CNTN4: variants seen among roughly 807,000 people sequenced by gnomAD.
The protein encoded by CNTN4 is contactin 4.
CNTN4 carries 77 observed loss-of-function variants against 122.5 expected under a neutral mutation model. The ratio of observed to expected loss-of-function variants is 0.63; its 90% confidence interval spans 0.52 to 0.76. The LOEUF (loss-of-function observed/expected upper bound fraction) is 0.76, where lower values mean the gene tolerates loss of function less well. CNTN4 is among the 30% of genes least tolerant of loss of function. The pLI is 0.00. For missense variants in CNTN4, 1,256 were observed against 1,259.1 expected, an observed-to-expected ratio of 1.00 and a Z score of 0.04; for synonymous variants, 512 against 447.0, an observed-to-expected ratio of 1.15 and a Z score of -1.83.
chr3:2,679,297 T>G lies in CNTN4; in HGVS notation c.56-56918T>G, dbSNP rs1188047058. 2.6e-5 allele frequency among the ~76,000 whole-genome samples: 4 copies of G among 152,160 alleles called. No individual in the cohort carries two copies. The East Asian group carries it at 5.8e-4, about 22-fold the overall frequency. On this transcript the variant is annotated intron_variant, in intron 4 of 24. Coordinates refer to ENST00000418658, the MANE Select transcript of CNTN4 (RefSeq NM_175607.3). ...TTGATGCTTAATTATTGGAATACCTTGAATCTCTTGACTGAGGGGGAGTAG... is the reference window on the plus strand; with the variant it reads ...TTGATGCTTAATTATTGGAATACCTGGAATCTCTTGACTGAGGGGGAGTAG...
At chr3:2,516,906 G>C (rs185027069) in intron 3 of CNTN4, among the ~76,000 whole-genome samples, 1 of 151,908 alleles carries the variant, frequency 6.6e-6, no homozygotes, top group South Asian at 2.1e-4. Context: ...ATAGAAATTT[G>C]AGTGCCCTGC....
chr3:2,511,415 G>A (rs1255384588), intron 3 of CNTN4: 1 of 152,248 alleles, frequency 6.6e-6, no homozygotes, highest in African/African-American at 2.4e-5. Flanking sequence ...TTTGATTCGT[G>A]TGCTAATTAT....
chr3:2,630,264 A>G (rs1175730529), intron 4 of CNTN4, among the ~76,000 whole-genome samples: 3 of 152,018 alleles, frequency 2.0e-5, no homozygotes, highest in African/African-American at 7.3e-5. Context: ...GTGAAACCCC[A>G]TCTGTGCCAA....
chr3:2,642,155 G>A (rs181505067), intron 4 of CNTN4, among the ~76,000 whole-genome samples: 12 of 152,204 alleles, frequency 7.9e-5, no homozygotes, highest in East Asian at 3.9e-4. Context: ...TAGGGAAGCC[G>A]ACAGTGCAGC....
intron 2 of CNTN4, among the ~76,000 whole-genome samples, chr3:2,268,030 A>C (rs1275094959): frequency 6.6e-6 from 1 of 152,130 alleles, no homozygotes; most frequent in East Asian, 1.9e-4. Context: ...CATGGAATGG[A>C]TGTGGGCTGT....
At chr3:2,391,002 C>G (rs187046770) in intron 3 of CNTN4, among the ~76,000 whole-genome samples, 33 of 152,242 alleles carry the variant, frequency 2.2e-4, no homozygotes, top group Admixed American at 5.9e-4. Flanking sequence ...TATTATCTGG[C>G]ATAAAATTGT....
chr3:2,820,452 C>T (rs544990662), intron 7 of CNTN4, among the ~76,000 whole-genome samples: 106 of 152,242 alleles, frequency 7.0e-4, no homozygotes, highest in African/African-American at 2.0e-3. Flanking sequence ...GCTCTCCAAA[C>T]GCTGTCATTT....
At chr3:2,556,402 C>G (rs934700752) in intron 3 of CNTN4, among the ~76,000 whole-genome samples, 1 of 152,158 alleles carries the variant, frequency 6.6e-6, no homozygotes, top group African/African-American at 2.4e-5. Context: ...AGTTATTTCA[C>G]GAAGTTATCC....
At chr3:2,643,821 A>G (rs1351851563) in intron 4 of CNTN4, among the ~76,000 whole-genome samples, 3 of 152,124 alleles carry the variant, frequency 2.0e-5, no homozygotes, top group Admixed American at 6.5e-5. Flanking sequence ...CTGACTCCCT[A>G]TATGTGAGGT....
intron 4 of CNTN4, among the ~76,000 whole-genome samples, chr3:2,708,746 C>CACACAG (rs1576525835): frequency 0.031 from 983 of 31,738 alleles, 3 homozygotes; most frequent in Middle Eastern, 0.065. Flanking sequence ...CACACACACA[C>CACACAG]ACACACACAC....
chr3:2,288,689 C>A (rs1046170445), intron 2 of CNTN4, among the ~76,000 whole-genome samples: 2 of 152,008 alleles, frequency 1.3e-5, no homozygotes, highest in Non-Finnish European at 2.9e-5. Context: ...AAGTATAAAA[C>A]AAAATATAAT....
At chr3:2,574,565 A>C (rs925580639) in intron 4 of CNTN4, among the ~76,000 whole-genome samples, 3 of 152,172 alleles carry the variant, frequency 2.0e-5, no homozygotes, top group Admixed American at 6.5e-5. Flanking sequence ...ATAATTTTCA[A>C]ATAAACCAAA....
At chr3:2,127,983 G>A (rs1011381825) in intron 2 of CNTN4, among the ~76,000 whole-genome samples, 10 of 152,192 alleles carry the variant, frequency 6.6e-5, no homozygotes, top group African/African-American at 2.4e-4. Flanking sequence ...TGAATTTTGT[G>A]TTGTTAAAAG....
chr3:2,562,288 T>C (rs896559818), intron 3 of CNTN4, among the ~76,000 whole-genome samples: 2 of 152,128 alleles, frequency 1.3e-5, no homozygotes, highest in Non-Finnish European at 2.9e-5. Context: ...ATAGGTATAT[T>C]GTGTGATGCT....
rs548223835 is a variant in CNTN4 at position 2,709,235 on chromosome 3, A to G, written c.56-26980A>G. On this transcript the variant is annotated intron_variant, in intron 4 of 24. Transcript: ENST00000418658. The surrounding 1 kb of genome is among the most constrained non-coding windows in gnomAD (Gnocchi z 5.0). ...AATAACTATTTCTTTTAGAATAAAG[A>G]ATGTATTTATAGTTTTGTTTTGTTT... is the stretch of plus-strand genomic sequence containing the variant. Among the ~76,000 whole-genome samples the G allele has an allele frequency of 1.9e-4, 29 of 152,328 alleles. No homozygotes were observed. The highest frequency in any genetic ancestry group is 7.0e-4 in the African/African-American group (29 of 41,580).
intron 2 of CNTN4, among the ~76,000 whole-genome samples, chr3:2,225,160 C>CCA (rs10632045): frequency 4.0e-5 from 6 of 149,244 alleles, no homozygotes; most frequent in African/African-American, 9.9e-5. Flanking sequence ...CCACCACCCC[C>CCA]AAAAAAAAAG....
intron 7 of CNTN4, among the ~76,000 whole-genome samples, chr3:2,845,597 G>A (rs190515349): frequency 3.3e-5 from 5 of 152,206 alleles, no homozygotes; most frequent in African/African-American, 9.6e-5. Flanking sequence ...TAGGACAAGC[G>A]GGTTTTTCAC....
At chr3:2,109,704 T>A (rs2125126922) in intron 2 of CNTN4, among the ~76,000 whole-genome samples, 1 of 152,320 alleles carries the variant, frequency 6.6e-6, no homozygotes, top group African/African-American at 2.4e-5. Context: ...CATTTTAAGT[T>A]GTGCAAATTT....
At chr3:2,796,519 T>A (rs901492199) in intron 6 of CNTN4, among the ~76,000 whole-genome samples, 1 of 152,144 alleles carries the variant, frequency 6.6e-6, no homozygotes, top group African/African-American at 2.4e-5. Flanking sequence ...AGAGCTAGAA[T>A]CTAAAAATAA....
Sources: allele counts gnomAD v4.1 joint callset (sites outside exome capture counted in the v4.1 genomes callset), GRCh38; gene constraint gnomAD v4.1.1; non-coding constraint Gnocchi (gnomAD v3.1); transcripts MANE v1.5; gene names NCBI Gene and HGNC (gene_info 2026-07-23, HGNC 2026-07-21).